Variants in ASTN2 observed in about 807,000 individuals in gnomAD.
ASTN2 encodes the protein astrotactin-2.
In ASTN2, 54 loss-of-function variants were observed where a neutral mutation model predicts 139.8. The ratio of observed to expected loss-of-function variants is 0.39; its 90% confidence interval spans 0.31 to 0.48. The LOEUF is 0.48. Among genes scored for constraint, ASTN2 ranks in the 20% least tolerant of loss-of-function variants. The pLI, the probability that ASTN2 is intolerant of heterozygous loss-of-function variation, is 0.95. For missense variants in ASTN2, 1,565 were observed against 1,725.1 expected (o/e 0.91, Z 1.64); for synonymous variants, 756 against 719.5 (o/e 1.05, Z -0.81).
intron 19 of ASTN2, among the ~76,000 whole-genome samples, chr9:116,607,085 C>T (rs1408542855): frequency 2.0e-5 from 3 of 152,216 alleles, no homozygotes; most frequent in Non-Finnish European, 4.4e-5. Context: ...CAATCATCTA[C>T]AGCATCAACT....
chr9:116,941,805 C>A (rs1835238613), intron 10 of ASTN2, among the ~76,000 whole-genome samples: 1 of 151,880 alleles, frequency 6.6e-6, no homozygotes. Flanking sequence ...ATTACAACAG[C>A]CTTACGCAGA....
chr9:116,952,190 C>A lies in ASTN2; in HGVS notation c.1889+23018G>T, dbSNP rs144761209. 2.1e-3 allele frequency among the ~76,000 whole-genome samples: 323 copies of A among 152,306 alleles called. 3 individuals are homozygous for A. Among genetic ancestry groups the A allele is most frequent in the South Asian group, 8.5e-3 (41 of 4,830 alleles). ...TTGAGAGTTGCAGAAAATAGCCCAA[C>A]CACCACCACGACTTTATGAATAGTA... On this transcript the variant is annotated intron_variant, in intron 10 of 22. Transcript: ENST00000313400.
intron 5 of ASTN2, among the ~76,000 whole-genome samples, chr9:117,083,231 A>G (rs1472578427): frequency 6.6e-6 from 1 of 152,226 alleles, no homozygotes; most frequent in Non-Finnish European, 1.5e-5. Context: ...AAAAAAAATG[A>G]ATGAACTTGG....
chr9:117,124,615 C>A (rs1829640375), intron 4 of ASTN2, among the ~76,000 whole-genome samples: 1 of 152,122 alleles, frequency 6.6e-6, no homozygotes, highest in African/African-American at 2.4e-5. Context: ...AAAGGAGGCA[C>A]TGCTGTTGGA....
At chr9:116,956,173 G>A (rs187282369) in intron 10 of ASTN2, among the ~76,000 whole-genome samples, 20 of 136,434 alleles carry the variant, frequency 1.5e-4, no homozygotes, top group South Asian at 9.2e-4. Context: ...TTGGCTCACC[G>A]CAACCTCTGC....
At chr9:116,875,431 T>G (rs984625187) in intron 10 of ASTN2, among the ~76,000 whole-genome samples, 1 of 152,188 alleles carries the variant, frequency 6.6e-6, no homozygotes, top group Non-Finnish European at 1.5e-5. Flanking sequence ...TAAGCAGAGA[T>G]TGATTCATAA....
chr9:117,128,393 A>G (rs1402345358), intron 4 of ASTN2, among the ~76,000 whole-genome samples: 2 of 148,734 alleles, frequency 1.3e-5, no homozygotes, highest in African/African-American at 2.5e-5. Context: ...AAAAAAAAAA[A>G]AAAAAAAGAA....
intron 10 of ASTN2, among the ~76,000 whole-genome samples, chr9:116,914,083 T>C (rs58115130): frequency 0.018 from 2,682 of 149,824 alleles, 69 homozygotes; most frequent in African/African-American, 0.06. Flanking sequence ...TTTTAAGTAA[T>C]AGTAAGTAGA....
rs532181364 is a variant in ASTN2 at position 116,558,287 on chromosome 9, C to T, written c.3355+60037G>A. 1.6e-4 allele frequency among the ~76,000 whole-genome samples: 25 copies of T among 152,030 alleles called. No individual in the cohort carries two copies. The South Asian group carries it at 4.4e-3, about 27-fold the overall frequency. On this transcript the variant is annotated intron_variant, in intron 19 of 22. Coordinates refer to ENST00000313400, the MANE Select transcript of ASTN2 (RefSeq NM_001365068.1). Reference sequence around the variant, plus strand: ...TACTTAGGAGGGCTTACTAATATGACAGAATCTACTCTAGACCCTTTACAT... The same window carrying T: ...TACTTAGGAGGGCTTACTAATATGATAGAATCTACTCTAGACCCTTTACAT...
intron 7 of ASTN2, among the ~76,000 whole-genome samples, chr9:117,006,136 C>T (rs1421214665): frequency 6.6e-6 from 1 of 152,168 alleles, no homozygotes; most frequent in South Asian, 2.1e-4. Flanking sequence ...GAAGGGCACA[C>T]TGTAAACACC....
intron 7 of ASTN2, among the ~76,000 whole-genome samples, chr9:117,007,626 T>A (rs1197516490): frequency 6.6e-6 from 1 of 152,216 alleles, no homozygotes; most frequent in Non-Finnish European, 1.5e-5. Context: ...CCTAAAAATA[T>A]GCCTGGCTAC....
intron 4 of ASTN2, among the ~76,000 whole-genome samples, chr9:117,139,914 A>G (rs1830033931): frequency 6.6e-6 from 1 of 152,218 alleles, no homozygotes; most frequent in Admixed American, 6.5e-5. Flanking sequence ...TGCAAAAGTA[A>G]TAGCACCAAC....
At chr9:116,735,688 G>A (rs888188406) in intron 13 of ASTN2, among the ~76,000 whole-genome samples, 13 of 152,328 alleles carry the variant, frequency 8.5e-5, no homozygotes, top group African/African-American at 3.1e-4. Flanking sequence ...GGGTGCTGCT[G>A]CACAAGGTCT....
At chr9:116,432,241 C>T (rs952226244) in intron 22 of ASTN2, among the ~76,000 whole-genome samples, 5 of 152,192 alleles carry the variant, frequency 3.3e-5, no homozygotes, top group African/African-American at 1.2e-4. Flanking sequence ...GAAATTTCAT[C>T]TTCAGGAAGT....
intron 19 of ASTN2, among the ~76,000 whole-genome samples, chr9:116,608,538 T>G (rs1189024074): frequency 6.6e-6 from 1 of 152,062 alleles, no homozygotes; most frequent in Non-Finnish European, 1.5e-5. Context: ...TGTTTCTCTG[T>G]GCAAAAGAGT....
At chr9:116,816,684 G>A (rs890694895) in intron 12 of ASTN2, among the ~76,000 whole-genome samples, 3 of 152,060 alleles carry the variant, frequency 2.0e-5, no homozygotes, top group South Asian at 2.1e-4. Flanking sequence ...AGGAATGCAG[G>A]TAAATCAACC....
intron 20 of ASTN2, among the ~76,000 whole-genome samples, chr9:116,475,845 C>T (rs910071771): frequency 2.0e-5 from 3 of 152,190 alleles, no homozygotes; most frequent in Non-Finnish European, 1.5e-5. Flanking sequence ...TCCTCGCCTG[C>T]CTCCATAGCC....
At chr9:117,205,826 AAAG>A (rs1407115921) in intron 3 of ASTN2, among the ~76,000 whole-genome samples, 1 of 152,226 alleles carries the variant, frequency 6.6e-6, no homozygotes, top group South Asian at 2.1e-4. Flanking sequence ...ATGAAGAGAT[AAAG>A]AAGAACTGTG....
At chr9:117,379,250 C>A (rs375099653) in intron 1 of ASTN2, among the ~76,000 whole-genome samples, 1 of 152,142 alleles carries the variant, frequency 6.6e-6, no homozygotes, top group Non-Finnish European at 1.5e-5. Context: ...TTCCCCACCA[C>A]GACAGTCTAG....
Sources: allele counts gnomAD v4.1 joint callset (sites outside exome capture counted in the v4.1 genomes callset), GRCh38; gene constraint gnomAD v4.1.1; transcripts MANE v1.5; gene names NCBI Gene and HGNC (gene_info 2026-07-23, HGNC 2026-07-21).